ZPLD1: variants seen among roughly 807,000 people sequenced by gnomAD.
ZPLD1 encodes the protein zona pellucida like domain containing 1.
Under a neutral mutation model 47.2 loss-of-function variants are expected in ZPLD1, and 34 were observed. The ratio of observed to expected loss-of-function variants is 0.72; its 90% CI spans 0.55 to 0.96. The LOEUF is 0.96. ZPLD1 is among the 40% of genes least tolerant of loss of function. The pLI, the probability that ZPLD1 is intolerant of heterozygous loss-of-function variation, is 0.00. For synonymous variants in ZPLD1, 176 were observed against 186.2 expected (o/e 0.95, Z 0.45); for missense variants, 512 against 505.8 (o/e 1.01, Z -0.12).
chr3:102,438,542 G>T lies in ZPLD1; in HGVS notation c.55G>T (p.Ala19Ser). Residue 19 changes from alanine (A) to serine (S), a missense_variant, in exon 3 of 12, where the codon GCT (alanine) becomes TCT (serine). Ala to Ser is a moderately conservative substitution (Grantham distance 99, BLOSUM62 1). Transcript: ENST00000466937. ...LLTIRVLPGS[A>S]QFNGYNCDAN... ...AACAATTAGAGTGCTTCCGGGGTCTGCTCAGTTCAACGGCTACAACTGTGA... is the reference window on the plus strand; with the variant it reads ...AACAATTAGAGTGCTTCCGGGGTCTTCTCAGTTCAACGGCTACAACTGTGA... 6.2e-7 allele frequency: 1 copy of T among 1,613,958 alleles called. No homozygotes were observed. Among genetic ancestry groups the T allele is most frequent in the Non-Finnish European group, 8.5e-7 (1 of 1,179,842 alleles).
intron 6 of ZPLD1, among the ~76,000 whole-genome samples, chr3:102,458,530 A>G (rs1013531084): frequency 6.6e-6 from 1 of 152,174 alleles, no homozygotes; most frequent in African/African-American, 2.4e-5. Flanking sequence ...ATCAACCAAC[A>G]TTTCTGTAAA....
intron 7 of ZPLD1, among the ~76,000 whole-genome samples, chr3:102,416,371 A>AT (rs957039381): frequency 4.6e-5 from 7 of 151,890 alleles, no homozygotes; most frequent in African/African-American, 1.7e-4. Context: ...AGAGCTACTG[A>AT]TTTTTTCTAT....
At chr3:102,459,757 C>T (rs919086768) in intron 6 of ZPLD1, among the ~76,000 whole-genome samples, 10 of 152,008 alleles carry the variant, frequency 6.6e-5, no homozygotes, top group African/African-American at 9.7e-5. Context: ...ACATATACCC[C>T]CTCCCCTTGC....
Position 102,444,960 on chromosome 3 carries a change from A to T in ZPLD1, c.106+6367A>T, listed in dbSNP as rs572943210. ...CCCCCGTCCTCTCCAGTTGCTTCTG[A>T]TTCCCCAAGACTGCATGTCACACAT... On this transcript the variant is annotated intron_variant, in intron 3 of 11. Coordinates refer to ENST00000466937, the MANE Select transcript of ZPLD1 (RefSeq NM_001329788.2). Among the ~76,000 whole-genome samples the T allele has an allele frequency of 1.2e-3, 179 of 152,200 alleles. 5 individuals carry two copies. The South Asian group carries it at 0.036, about 30-fold the overall frequency.
At chr3:102,435,893 C>T (rs12330403) in intron 1 of ZPLD1, among the ~76,000 whole-genome samples, 6,489 of 152,254 alleles carry the variant, frequency 0.043, 462 homozygotes, top group African/African-American at 0.15. Flanking sequence ...CCACCCGCCT[C>T]GGCCTCCCAG....
chr3:102,463,134 G>T (rs1707535292), intron 7 of ZPLD1, among the ~76,000 whole-genome samples: 1 of 152,094 alleles, frequency 6.6e-6, no homozygotes. Context: ...CGCTTCCCAT[G>T]GATTAGTATT....
At chr3:102,418,510 A>G (rs1252910680) in intron 8 of ZPLD1, among the ~76,000 whole-genome samples, 1 of 151,978 alleles carries the variant, frequency 6.6e-6, no homozygotes, top group Non-Finnish European at 1.5e-5. Context: ...TGGAGAAAGG[A>G]CCGAGTCTTT....
chr3:102,411,656 C>T (rs1264357504), intron 7 of ZPLD1, among the ~76,000 whole-genome samples: 1 of 151,556 alleles, frequency 6.6e-6, no homozygotes, highest in Non-Finnish European at 1.5e-5. Flanking sequence ...GAATCCTTCC[C>T]CCAAGAATAA....
intron 8 of ZPLD1, among the ~76,000 whole-genome samples, chr3:102,419,926 G>A (rs1706856861): frequency 6.8e-6 from 1 of 146,080 alleles, no homozygotes; most frequent in Non-Finnish European, 1.5e-5. Flanking sequence ...CTGTATTTAA[G>A]CTGGAATGTA....
chr3:102,461,244 G>A (rs1433302700), intron 6 of ZPLD1, among the ~76,000 whole-genome samples: 1 of 151,964 alleles, frequency 6.6e-6, no homozygotes, highest in Non-Finnish European at 1.5e-5. Flanking sequence ...AAACAGCAAT[G>A]TCTTCAGAAT....
rs867064361 is a variant in ZPLD1, at chr3:102,388,786, T to C, written c.-212-3384T>C. ...GTGACTATTACAACTGTTAAAAATA[T>C]CACAGTTAAAAAATATTTCTGGGGG... is the stretch of plus-strand genomic sequence containing the variant. On this transcript the variant is annotated intron_variant, in intron 6 of 17. Coordinates refer to the ZPLD1 transcript ENST00000491959. Among the ~76,000 whole-genome samples, 5 of 152,280 alleles carry C rather than the reference T, an allele frequency of 3.3e-5. No homozygotes were observed. The East Asian group carries it at 7.7e-4, about 24-fold the overall frequency.
chr3:102,463,986 C>T (rs1057089767), intron 7 of ZPLD1, among the ~76,000 whole-genome samples, 185 bp from the exon 8 acceptor site: 1 of 151,832 alleles, frequency 6.6e-6, no homozygotes, highest in Non-Finnish European at 1.5e-5. Context: ...GGAGGCGGAG[C>T]TTGCAGTGAG....
Position 102,464,156 on chromosome 3 carries a change from C to T in ZPLD1, c.681-15C>T. 1 of 1,588,052 alleles carries T rather than the reference C, an allele frequency of 6.3e-7. No homozygotes were observed. The highest frequency in any genetic ancestry group is 8.6e-7 in the Non-Finnish European group (1 of 1,157,280). ...AAATTCTGACTCTAGATTATGTTTG[C>T]TTACATTCTTTCAGATGGAATGTTT... On this transcript the variant is annotated splice_polypyrimidine_tract_variant and intron_variant, in intron 7 of 11. Coordinates refer to ENST00000466937, the MANE Select transcript of ZPLD1 (RefSeq NM_001329788.2).
Position 102,436,938 on chromosome 3 carries a change from A to G in ZPLD1, c.-44A>G. Reference sequence around the variant, plus strand: ...CCAGGAGTTCTTGGGACCCATCATGAGAAGGAAGTGGTGGAGCATGGAGCA... The same window carrying G: ...CCAGGAGTTCTTGGGACCCATCATGGGAAGGAAGTGGTGGAGCATGGAGCA... On this transcript the variant is annotated 5_prime_UTR_variant, in exon 2 of 12. It removes the in-frame stop codon of an upstream open reading frame in the 5' UTR. Coordinates refer to ENST00000466937, the MANE Select transcript of ZPLD1 (RefSeq NM_001329788.2). 1 of 985,510 alleles carries G rather than the reference A, an allele frequency of 1.0e-6. No individual in the cohort carries two copies. Among genetic ancestry groups the G allele is most frequent in the Non-Finnish European group, 1.2e-6 (1 of 829,982 alleles). The allele number at this position is 985,510 out of a possible 1,614,324, so 61.0% of individuals were successfully genotyped here.
At chr3:102,421,482 G>T (rs1576136437) in intron 8 of ZPLD1, among the ~76,000 whole-genome samples, 1 of 151,634 alleles carries the variant, frequency 6.6e-6, no homozygotes, top group African/African-American at 2.4e-5. Flanking sequence ...TAAAAACTTT[G>T]GTGCATTTGT....
intron 1 of ZPLD1, 61 bp from the exon 2 acceptor site, chr3:102,436,799 A>C: frequency 1.4e-6 from 1 of 721,488 alleles, no homozygotes; most frequent in Non-Finnish European, 1.7e-6. Context: ...GTTAGCTAGA[A>C]AGCATTTCAG....
At chr3:102,468,637 G>A (rs1037788976) in intron 8 of ZPLD1, among the ~76,000 whole-genome samples, 2 of 152,172 alleles carry the variant, frequency 1.3e-5, no homozygotes, top group South Asian at 4.1e-4. Flanking sequence ...GAAAATAAAT[G>A]AAAATAAATG....
At chr3:102,449,880 T>C (rs1294474717) in intron 3 of ZPLD1, among the ~76,000 whole-genome samples, 1 of 152,194 alleles carries the variant, frequency 6.6e-6, no homozygotes, top group Non-Finnish European at 1.5e-5. Flanking sequence ...CTTGGGAATA[T>C]GATCACTATG....
chr3:102,469,020 G>T lies in ZPLD1; in HGVS notation c.818G>T (p.Arg273Leu), dbSNP rs139821068. ...VIENGRSQRG[R>L]FSFEVFRFVK... ...GAGAATGGCCGAAGCCAGCGGGGCC[G>T]GTTTTCTTTTGAAGTGTTCCGATTT... The change falls in exon 9 of 12, where the codon CGG becomes CTG. Residue 273 changes from arginine to leucine, a missense_variant. Arg to Leu is a moderately radical substitution (Grantham distance 102). Coordinates refer to ENST00000466937, the MANE Select transcript of ZPLD1 (RefSeq NM_001329788.2). 1.1e-4 allele frequency: 174 copies of T among 1,613,920 alleles called. No individual in the cohort carries two copies. Among genetic ancestry groups the T allele is most frequent in the Non-Finnish European group, 1.4e-4 (165 of 1,179,998 alleles).
Sources: gnomAD v4.1 joint callset for allele counts (sites outside exome capture counted in the v4.1 genomes callset) on GRCh38, gnomAD v4.1.1 for gene constraint, MANE v1.5 for transcripts, NCBI Gene and HGNC (gene_info 2026-07-23, HGNC 2026-07-21) for gene names.